The following TRAPPC9 variants were observed in gnomAD, a reference collection of about 807,000 sequenced individuals.
TRAPPC9 encodes IKK2 binding protein.
In TRAPPC9, 83 loss-of-function variants were observed where a neutral mutation model predicts 124.0. The ratio of observed to expected loss-of-function variants is 0.67; its 90% confidence interval spans 0.56 to 0.80. The LOEUF (loss-of-function observed/expected upper bound fraction) is 0.80, where lower values mean the gene tolerates loss of function less well. Ranked by LOEUF, TRAPPC9 falls within the 30% of genes least tolerant of loss-of-function variation. TRAPPC9 has a pLI of 0.00. For synonymous variants in TRAPPC9, 638 were observed against 617.5 expected (o/e 1.03, Z -0.49); for missense variants, 1,302 against 1,508.3 (o/e 0.86, Z 2.27).
intron 19 of TRAPPC9, among the ~76,000 whole-genome samples, chr8:139,956,414 A>G (rs753875850): frequency 6.7e-6 from 1 of 150,124 alleles, no homozygotes; most frequent in Non-Finnish European, 1.5e-5. Context: ...GCCCACCTCA[A>G]CCTCCCAAAG....
chr8:139,789,191 G>A (rs1822480813), intron 21 of TRAPPC9, among the ~76,000 whole-genome samples: 1 of 146,774 alleles, frequency 6.8e-6, no homozygotes, highest in Non-Finnish European at 1.5e-5. Flanking sequence ...CTGCCCGGCG[G>A]GCGGGAGACC....
At chr8:139,827,003 CG>C (rs1468676866) in intron 21 of TRAPPC9, among the ~76,000 whole-genome samples, 4 of 152,220 alleles carry the variant, frequency 2.6e-5, no homozygotes, top group Non-Finnish European at 4.4e-5. Context: ...GTCCATCTTC[CG>C]GAACCTGGAG....
chr8:139,741,773 G>A (rs1818576345), intron 21 of TRAPPC9, among the ~76,000 whole-genome samples: 2 of 152,106 alleles, frequency 1.3e-5, no homozygotes, highest in African/African-American at 4.8e-5. Context: ...GAAGCGGAGG[G>A]CAGTGAGCTC....
At chr8:140,259,973 A>G (rs1452119519) in intron 15 of TRAPPC9, among the ~76,000 whole-genome samples, 1 of 152,206 alleles carries the variant, frequency 6.6e-6, no homozygotes, top group Non-Finnish European at 1.5e-5. Flanking sequence ...ACATGAAAAC[A>G]CTGACATCGA....
At chr8:139,968,184 AC>A (rs1835833696) in intron 19 of TRAPPC9, among the ~76,000 whole-genome samples, 1 of 152,016 alleles carries the variant, frequency 6.6e-6, no homozygotes, top group Non-Finnish European at 1.5e-5. Flanking sequence ...AAATAAAAAA[AC>A]AAAAAATAAA....
rs1236424826 is a variant in TRAPPC9, at chr8:140,241,785, C to T, written c.2431+10992G>A. Among the ~76,000 whole-genome samples the T allele has an allele frequency of 6.6e-6, 1 of 152,226 alleles. No individual in the cohort carries two copies. The highest frequency in any genetic ancestry group is 1.5e-5 in the Non-Finnish European group (1 of 68,036). On this transcript the variant is annotated intron_variant, in intron 16 of 22. Transcript: ENST00000438773. The surrounding 1 kb of genome is among the most constrained non-coding windows in gnomAD (Gnocchi z 5.0). Reference sequence around the variant, plus strand: ...CAGATCCTCACAGCCAGACAGCTCTCCCGTCTCTGAACTCAGGGTGTGGAA... The same window carrying T: ...CAGATCCTCACAGCCAGACAGCTCTTCCGTCTCTGAACTCAGGGTGTGGAA...
At chr8:140,455,409 A>G (rs1309743029) in intron 1 of TRAPPC9, among the ~76,000 whole-genome samples, 2 of 152,062 alleles carry the variant, frequency 1.3e-5, no homozygotes, top group African/African-American at 4.8e-5. Flanking sequence ...CTGGGATTAC[A>G]GGCACAACAT....
rs1371976213 is a variant in TRAPPC9, at chr8:139,788,084, C to T, written c.3056-55882G>A. On this transcript the variant is annotated intron_variant, in intron 21 of 22. Coordinates refer to ENST00000438773, the MANE Select transcript of TRAPPC9 (RefSeq NM_001160372.4). The surrounding 1 kb of genome is among the most constrained non-coding windows in gnomAD (Gnocchi z 4.9). ...ACTAGGAACCCGAATTCCAACCAGG[C>T]TTCAGCCCAGAAGCCACTTCCCCAC... is the stretch of plus-strand genomic sequence containing the variant. 6.6e-6 allele frequency among the ~76,000 whole-genome samples: 1 copy of T among 152,188 alleles called. No individual in the cohort carries two copies. The highest frequency in any genetic ancestry group is 1.5e-5 in the Non-Finnish European group (1 of 68,036).
chr8:139,823,747 C>T (rs1033869610), intron 21 of TRAPPC9, among the ~76,000 whole-genome samples: 4 of 152,214 alleles, frequency 2.6e-5, no homozygotes, highest in African/African-American at 9.6e-5. Flanking sequence ...TGACGCTGAG[C>T]TCTGAACATC....
chr8:139,821,891 C>A (rs949460801), intron 21 of TRAPPC9, among the ~76,000 whole-genome samples: 1 of 152,246 alleles, frequency 6.6e-6, no homozygotes, highest in South Asian at 2.1e-4. Flanking sequence ...TGGAGCTCGA[C>A]GGAGAGAAAA....
At chr8:140,229,821 G>C (rs1303578690) in intron 16 of TRAPPC9, among the ~76,000 whole-genome samples, 1 of 151,988 alleles carries the variant, frequency 6.6e-6, no homozygotes, top group African/African-American at 2.4e-5. Context: ...GCCTCCCAAA[G>C]TGCTGGGGTT....
chr8:139,942,756 C>T (rs1833991765), intron 19 of TRAPPC9, among the ~76,000 whole-genome samples: 1 of 152,206 alleles, frequency 6.6e-6, no homozygotes, highest in African/African-American at 2.4e-5. Context: ...AGGTACCCTT[C>T]CTTTATGACT....
chr8:140,085,065 T>C (rs1844096575), intron 17 of TRAPPC9, among the ~76,000 whole-genome samples: 1 of 151,838 alleles, frequency 6.6e-6, no homozygotes, highest in Non-Finnish European at 1.5e-5. Context: ...TCATGGAGAG[T>C]GGAGATGGGG....
intron 15 of TRAPPC9, among the ~76,000 whole-genome samples, chr8:140,273,141 C>T (rs1387089302): frequency 6.6e-6 from 1 of 152,180 alleles, no homozygotes; most frequent in African/African-American, 2.4e-5. Context: ...ACTCCAGCAC[C>T]GGAGCCGGGA....
intron 17 of TRAPPC9, among the ~76,000 whole-genome samples, chr8:140,048,767 C>T (rs560976462): frequency 6.6e-6 from 1 of 152,122 alleles, no homozygotes; most frequent in Non-Finnish European, 1.5e-5. Context: ...GGAGGGCACC[C>T]GTGAGCCCAG....
chr8:140,236,751 G>A (rs962996401), intron 16 of TRAPPC9, among the ~76,000 whole-genome samples: 2 of 152,196 alleles, frequency 1.3e-5, no homozygotes, highest in African/African-American at 4.8e-5. Context: ...AATAAATGAA[G>A]AGACATACAA....
intron 17 of TRAPPC9, among the ~76,000 whole-genome samples, chr8:140,132,791 T>TAGGAGG (rs1563786157): frequency 4.4e-5 from 3 of 68,140 alleles, no homozygotes; most frequent in Non-Finnish European, 2.8e-5. Flanking sequence ...GGAGGCCAAG[T>TAGGAGG]CGGAGGAGGA....
chr8:139,997,894 T>A, intron 18 of TRAPPC9, among the ~76,000 whole-genome samples: 1 of 43,484 alleles, frequency 2.3e-5, no homozygotes, highest in Non-Finnish European at 5.8e-5. Context: ...AGACAATGCA[T>A]CCCACACAGG....
chr8:140,099,023 T>A (rs1412812385), intron 17 of TRAPPC9: 1 of 151,674 alleles, frequency 6.6e-6, no homozygotes. Flanking sequence ...CCCAGCTACG[T>A]CTCAGTGCGG....
Sources: gnomAD v4.1 joint callset for allele counts (sites outside exome capture counted in the v4.1 genomes callset) on GRCh38, gnomAD v4.1.1 for gene constraint, Gnocchi (gnomAD v3.1) non-coding constraint, MANE v1.5 for transcripts, NCBI Gene and HGNC (gene_info 2026-07-23, HGNC 2026-07-21) for gene names.